The following SMCO2 variants were observed in gnomAD, a reference collection of about 807,000 sequenced individuals.
SMCO2 encodes single-pass membrane protein with coiled-coil domains 2.
A neutral mutation model predicts 29.5 loss-of-function variants in SMCO2; 25 were observed. The observed-to-expected ratio is 0.85, with a 90% confidence interval of 0.62 to 1.18. The LOEUF (loss-of-function observed/expected upper bound fraction) is 1.18, where lower values mean the gene tolerates loss of function less well. SMCO2 is among the 50% of genes most tolerant of loss of function. The probability of loss-of-function intolerance (pLI) is 0.00; values close to 1 mark genes in which losing one functional copy is unlikely to be tolerated. For missense variants in SMCO2, 348 were observed against 344.5 expected (o/e 1.01, Z -0.08); for synonymous variants, 117 against 123.3 (o/e 0.95, Z 0.34).
the SMCO2 span, among the ~76,000 whole-genome samples, chr12:27,433,395 A>T: frequency 1.3e-5 from 2 of 152,190 alleles, no homozygotes; most frequent in African/African-American, 4.8e-5. Flanking sequence ...ATCCAAACTT[A>T]TATAAATAGA....
At chr12:27,471,453 C>G (rs925074309) in intron 2 of SMCO2, among the ~76,000 whole-genome samples, 3 of 152,086 alleles carry the variant, frequency 2.0e-5, no homozygotes, top group African/African-American at 7.2e-5. Flanking sequence ...GACAACACCT[C>G]CACCCTCTAG....
At chr12:27,440,994 A>G in the SMCO2 span, among the ~76,000 whole-genome samples, 5,322 of 152,304 alleles carry the variant, frequency 0.035, 120 homozygotes, top group Non-Finnish European at 0.046. Context: ...ATGGTGGCTC[A>G]TGCCTATAAT....
intron 4 of SMCO2, 70 bp from the exon 5 acceptor site, chr12:27,475,512 G>C: frequency 6.9e-7 from 1 of 1,440,320 alleles, no homozygotes. Flanking sequence ...TTCAAAGGAA[G>C]AGCATTTCAG....
chr12:27,484,883 T>C, intron 4 of SMCO2, among the ~76,000 whole-genome samples: 1 of 145,358 alleles, frequency 6.9e-6, no homozygotes. Context: ...TATATATATA[T>C]ATATATATAT....
upstream of SMCO2, among the ~76,000 whole-genome samples, chr12:27,466,398 C>T (rs901800451): frequency 4.6e-5 from 7 of 151,974 alleles, no homozygotes; most frequent in African/African-American, 1.2e-4. Flanking sequence ...GGCGACAGAG[C>T]GAGAGTCTGA....
chr12:27,475,047 C>T (rs1949573256), intron 4 of SMCO2, 134 bp downstream of exon 4: 1 of 1,019,178 alleles, frequency 9.8e-7, no homozygotes, highest in Admixed American at 2.7e-5. Flanking sequence ...CAGTCCTGTG[C>T]ATAGGTAACT....
chr12:27,439,519 A>G, the SMCO2 span, among the ~76,000 whole-genome samples: 1 of 152,310 alleles, frequency 6.6e-6, no homozygotes, highest in South Asian at 2.1e-4. Context: ...ACTGACCCTA[A>G]CAAGACGGCA....
chr12:27,476,393 T>A (rs769108672), intron 4 of SMCO2, among the ~76,000 whole-genome samples: 28 of 152,192 alleles, frequency 1.8e-4, no homozygotes, highest in Non-Finnish European at 3.8e-4. Context: ...CAAAGTGCAG[T>A]TTAAATCCAA....
chr12:27,488,635 C>A, intron 5 of SMCO2, 88 bp downstream of exon 6: 2 of 976,954 alleles, frequency 2.0e-6, no homozygotes, highest in Non-Finnish European at 2.9e-6. Flanking sequence ...TAGGCAATAA[C>A]AAGAAGTAAG....
intron 7 of SMCO2, chr12:27,498,524 G>T: frequency 4.3e-6 from 1 of 229,978 alleles, no homozygotes; most frequent in South Asian, 7.4e-5. Flanking sequence ...GCTGCTGCGT[G>T]AAGCAGTAGA....
At chr12:27,449,178 C>T in the SMCO2 span, among the ~76,000 whole-genome samples, 8 of 152,134 alleles carry the variant, frequency 5.3e-5, no homozygotes, top group Non-Finnish European at 1.2e-4. Context: ...CACCCGCTTC[C>T]GTGATCACAA....
chr12:27,455,072 G>T, the SMCO2 span, among the ~76,000 whole-genome samples: 1 of 152,156 alleles, frequency 6.6e-6, no homozygotes, highest in Non-Finnish European at 1.5e-5. Flanking sequence ...AGCCAGGAAG[G>T]CATGGACCCA....
the SMCO2 span, among the ~76,000 whole-genome samples, chr12:27,436,657 T>C: frequency 6.6e-6 from 1 of 151,968 alleles, no homozygotes; most frequent in Non-Finnish European, 1.5e-5. Context: ...ATGAGATGGA[T>C]CAAGTAAAGG....
Position 27,485,450 on chromosome 12 carries a change from G to GCTT in SMCO2, c.363-3010_363-3009insCTT, listed in dbSNP as rs1484918113. ...ATACTGCCTCTATTTATTTTTTTAA[G>GCTT]TTTTTTTTTTTTTTTTTGAGATAGA... is the stretch of plus-strand genomic sequence containing the variant. On this transcript the variant is annotated intron_variant, in intron 4 of 7. Transcript: ENST00000298876. Among the ~76,000 whole-genome samples the GCTT allele has an allele frequency of 4.2e-4, 56 of 132,022 alleles. 1 individual carries two copies. The highest frequency in any genetic ancestry group is 1.5e-3 in the African/African-American group (53 of 35,556). 86.6% of individuals were successfully genotyped at this position (132,022 alleles called of 152,430 possible). A position where few individuals can be genotyped will look rare whatever the true frequency, so the allele number is the denominator to read the frequency against.
intron 4 of SMCO2, among the ~76,000 whole-genome samples, chr12:27,482,693 T>C (rs1949655713): frequency 6.6e-6 from 1 of 152,210 alleles, no homozygotes; most frequent in Admixed American, 6.5e-5. Context: ...TTAAGTCCAT[T>C]GTGACCAAAG....
chr12:27,501,999 G>C (rs1329478665), exon 8 of SMCO2: 10 of 1,547,454 alleles, frequency 6.5e-6, no homozygotes, highest in Non-Finnish European at 8.7e-6. Flanking sequence ...ACTATTTTTT[G>C]GTGCTACATT....
At chr12:27,473,752 C>G (rs1949560908) in intron 3 of SMCO2, among the ~76,000 whole-genome samples, 1 of 152,186 alleles carries the variant, frequency 6.6e-6, no homozygotes, top group African/African-American at 2.4e-5. Context: ...GATCTATTCT[C>G]CCTCCTCCAA....
At chr12:27,425,706 G>A in the SMCO2 span, among the ~76,000 whole-genome samples, 58 of 152,246 alleles carry the variant, frequency 3.8e-4, no homozygotes, top group African/African-American at 1.4e-3. Context: ...TAATTCACAT[G>A]CACATATGCA....
At chr12:27,476,392 G>A (rs139623081) in intron 4 of SMCO2, among the ~76,000 whole-genome samples, 2 of 152,154 alleles carry the variant, frequency 1.3e-5, no homozygotes, top group Admixed American at 6.5e-5. Flanking sequence ...CCAAAGTGCA[G>A]TTTAAATCCA....
Sources: allele counts gnomAD v4.1 joint callset (sites outside exome capture counted in the v4.1 genomes callset), GRCh38; gene constraint gnomAD v4.1.1; transcripts MANE v1.5; gene names NCBI Gene and HGNC (gene_info 2026-07-23, HGNC 2026-07-21).